Variants in RGS22 observed in about 807,000 individuals in gnomAD.
The protein encoded by RGS22 is regulator of G protein signaling 22.
RGS22 carries 148 observed loss-of-function variants against 172.9 expected under a neutral mutation model. The ratio of observed to expected loss-of-function variants is 0.86; its 90% CI spans 0.75 to 0.98. The LOEUF is 0.98. Ranked by LOEUF, RGS22 falls within the 50% of genes least tolerant of loss-of-function variation. The pLI, the probability that RGS22 is intolerant of heterozygous loss-of-function variation, is 0.00. For missense variants in RGS22, 1,347 were observed against 1,440.8 expected (o/e 0.93, Z 1.05); for synonymous variants, 458 against 480.2 (o/e 0.95, Z 0.60).
intron 10 of RGS22, among the ~76,000 whole-genome samples, chr8:100,047,933 T>G (rs910490608): frequency 6.7e-6 from 1 of 148,784 alleles, no homozygotes; most frequent in Non-Finnish European, 1.5e-5. Context: ...GCTAGATGTA[T>G]GTATGTGTGG....
rs1391403689 is a variant in RGS22 at position 100,041,913 on chromosome 8, T to C, written c.1827A>G (p.Ser609=). The C allele has an allele frequency of 6.3e-7, 1 of 1,589,810 alleles. No homozygotes were observed. The highest frequency in any genetic ancestry group is 8.6e-7 in the Non-Finnish European group (1 of 1,159,576). The change falls in exon 12 of 28, where the codon TCA becomes TCG. Residue 609 remains serine, a synonymous_variant. Coordinates refer to ENST00000360863, the MANE Select transcript of RGS22 (RefSeq NM_015668.5). ...SSKDDVIEKG[S]KYMSESSKVI... is the part of the protein sequence containing the mutation. ...CTTTGCTGCTTTCTGACATGTACTTTGACCTAAATTATAAGGATGAGAACT... is the reference window on the plus strand; with the variant it reads ...CTTTGCTGCTTTCTGACATGTACTTCGACCTAAATTATAAGGATGAGAACT...
At chr8:99,969,676 G>T (rs1811125511) in intron 23 of RGS22, among the ~76,000 whole-genome samples, 1 of 152,114 alleles carries the variant, frequency 6.6e-6, no homozygotes, top group South Asian at 2.1e-4. Context: ...AACAAGAAGA[G>T]CTAACTATCC....
chr8:100,023,409 G>T (rs1187710479), intron 14 of RGS22, among the ~76,000 whole-genome samples: 1 of 152,132 alleles, frequency 6.6e-6, no homozygotes, highest in Non-Finnish European at 1.5e-5. Flanking sequence ...CTCTTCATGA[G>T]TGAAACATTC....
chr8:100,048,053 G>A (rs1466187442), intron 10 of RGS22, among the ~76,000 whole-genome samples: 1 of 151,780 alleles, frequency 6.6e-6, no homozygotes, highest in South Asian at 2.1e-4. Flanking sequence ...TATCTTAACA[G>A]CACTATTTCC....
At chr8:100,043,064 C>T (rs1483562149) in intron 11 of RGS22, among the ~76,000 whole-genome samples, 2 of 152,088 alleles carry the variant, frequency 1.3e-5, no homozygotes, top group South Asian at 2.1e-4. Flanking sequence ...AGATTCAGGC[C>T]CTAATCTTTC....
At chr8:99,989,927 T>C (rs1280584849) in intron 20 of RGS22, among the ~76,000 whole-genome samples, 7 of 151,634 alleles carry the variant, frequency 4.6e-5, no homozygotes, top group South Asian at 2.1e-4. Flanking sequence ...GATAGACAGA[T>C]AGACAGACAG....
intron 2 of RGS22, among the ~76,000 whole-genome samples, chr8:100,102,174 G>A (rs1020465997): frequency 3.9e-5 from 6 of 152,168 alleles, no homozygotes; most frequent in South Asian, 2.1e-4. Context: ...TCTAACTGTG[G>A]CTCAACTAAT....
intron 11 of RGS22, among the ~76,000 whole-genome samples, chr8:100,046,680 A>C (rs1356366343): frequency 2.0e-5 from 3 of 150,694 alleles, no homozygotes. Context: ...GCGTGTTAAC[A>C]ATGTAGTCAA....
chr8:99,965,315 G>T lies in RGS22; in HGVS notation c.3615+20C>A. 6 of 1,550,832 alleles carry T rather than the reference G, an allele frequency of 3.9e-6. No homozygotes were observed. The highest frequency in any genetic ancestry group is 5.3e-6 in the Non-Finnish European group (6 of 1,122,906). On this transcript the variant is annotated intron_variant, in intron 24 of 27. Coordinates refer to ENST00000360863, the MANE Select transcript of RGS22 (RefSeq NM_015668.5). The stretch of plus-strand genomic sequence containing the variant: ...ATGCTCCAGCGGGGAAATGAGGTCT[G>T]CACCATCTTGCATGCTTACCTGTCG...
chr8:100,011,141 T>C (rs1344793686), intron 14 of RGS22, among the ~76,000 whole-genome samples: 1 of 152,064 alleles, frequency 6.6e-6, no homozygotes, highest in Non-Finnish European at 1.5e-5. Context: ...AAGAGGTGAA[T>C]AAGAGAAGAT....
chr8:99,961,167 C>T lies in RGS22; in HGVS notation c.*75G>A, dbSNP rs1234492996. ...AAAAAAACAAATCACTGGAGCTTCTCATGTCAGCAGAATCTGGTTTAAAGA... is the reference window on the plus strand; with the variant it reads ...AAAAAAACAAATCACTGGAGCTTCTTATGTCAGCAGAATCTGGTTTAAAGA... On this transcript the variant is annotated 3_prime_UTR_variant, in exon 28 of 28. Coordinates refer to ENST00000360863, the MANE Select transcript of RGS22 (RefSeq NM_015668.5). The T allele has an allele frequency of 2.2e-6, 1 of 452,580 alleles. No homozygotes were observed. Among genetic ancestry groups the T allele is most frequent in the African/African-American group, 2.0e-5 (1 of 49,972 alleles). The allele number at this position is 452,580 out of a possible 1,614,324, so 28.0% of individuals were successfully genotyped here.
intron 12 of RGS22, among the ~76,000 whole-genome samples, chr8:100,041,195 A>G (rs1820064578): frequency 6.6e-6 from 1 of 152,164 alleles, no homozygotes; most frequent in Non-Finnish European, 1.5e-5. Flanking sequence ...CCCTTTAAAA[A>G]TTCTAGGCTT....
At chr8:100,044,903 A>G (rs1465697027) in intron 11 of RGS22, among the ~76,000 whole-genome samples, 1 of 152,094 alleles carries the variant, frequency 6.6e-6, no homozygotes, top group Non-Finnish European at 1.5e-5. Flanking sequence ...GTAGTTTTAC[A>G]TTTTTTATTG....
chr8:100,031,173 A>G (rs1000795990), intron 14 of RGS22, among the ~76,000 whole-genome samples: 5 of 152,224 alleles, frequency 3.3e-5, no homozygotes, highest in African/African-American at 1.2e-4. Flanking sequence ...TTTACAGAAC[A>G]TGAAACCAAG....
chr8:100,051,305 C>T (rs1282121423), intron 10 of RGS22, among the ~76,000 whole-genome samples: 1 of 149,840 alleles, frequency 6.7e-6, no homozygotes, highest in Non-Finnish European at 1.5e-5. Flanking sequence ...GCTTATACAA[C>T]TGTGTAAAGA....
chr8:99,965,480 T>C (rs897036093), intron 23 of RGS22, 50 bp from the exon 24 acceptor site: 5 of 1,293,420 alleles, frequency 3.9e-6, no homozygotes, highest in Admixed American at 2.0e-5. Context: ...AATGATATGT[T>C]AATATAAACT....
chr8:100,051,257 C>A (rs1821247986), intron 10 of RGS22, among the ~76,000 whole-genome samples: 1 of 150,748 alleles, frequency 6.6e-6, no homozygotes, highest in African/African-American at 2.4e-5. Context: ...ATGCAGTAAG[C>A]TAGAGTGGTA....
chr8:100,051,223 A>G (rs769076007), intron 10 of RGS22, among the ~76,000 whole-genome samples: 3 of 151,192 alleles, frequency 2.0e-5, no homozygotes, highest in Non-Finnish European at 2.9e-5. Context: ...CTCAAAGAAG[A>G]GCAAGGAGAC....
chr8:100,019,680 T>C (rs1817390287), intron 14 of RGS22, among the ~76,000 whole-genome samples: 1 of 152,208 alleles, frequency 6.6e-6, no homozygotes, highest in South Asian at 2.1e-4. Context: ...AAAACATTCA[T>C]GCTTCAGCAT....
Sources: gnomAD v4.1 joint callset for allele counts (sites outside exome capture counted in the v4.1 genomes callset) on GRCh38, gnomAD v4.1.1 for gene constraint, MANE v1.5 for transcripts, NCBI Gene and HGNC (gene_info 2026-07-23, HGNC 2026-07-21) for gene names.